Variants in PROK2 observed in about 807,000 individuals in gnomAD.
The protein encoded by PROK2 is prokineticin 2.
Under a neutral mutation model 14.2 loss-of-function variants are expected in PROK2, and 8 were observed. The observed-to-expected ratio is 0.56, with a 90% CI of 0.33 to 1.02. The LOEUF is 1.02. Among genes scored for constraint, PROK2 ranks in the 50% least tolerant of loss-of-function variants. PROK2 has a pLI of 0.03. For synonymous variants in PROK2, 59 were observed against 60.7 expected (o/e 0.97, Z 0.13); for missense variants, 154 against 160.4 (o/e 0.96, Z 0.22).
chr3:71,781,738 T>C (rs2050162102), intron 1 of PROK2, 146 bp from the exon 2 acceptor site: 1 of 911,226 alleles, frequency 1.1e-6, no homozygotes, highest in Non-Finnish European at 1.7e-6. Context: ...ATAACCTTCA[T>C]TTACTTGTAT....
At chr3:71,775,780 G>T (rs1053335163) in intron 2 of PROK2, among the ~76,000 whole-genome samples, 2 of 152,210 alleles carry the variant, frequency 1.3e-5, no homozygotes, top group South Asian at 2.1e-4. Flanking sequence ...CTCTCTAAAG[G>T]GGGGACCATA....
intron 2 of PROK2, 124 bp from the exon 3 acceptor site, chr3:71,774,631 C>T: frequency 7.6e-7 from 1 of 1,311,226 alleles, no homozygotes; most frequent in African/African-American, 1.5e-5. Flanking sequence ...ATCCCAGTTC[C>T]TCTGTCCTTT....
chr3:71,775,224 G>A (rs79745559), intron 2 of PROK2, among the ~76,000 whole-genome samples: 20,648 of 152,186 alleles, frequency 0.14, 1,944 homozygotes, highest in East Asian at 0.35. Flanking sequence ...CCTATAATGA[G>A]CATGTTAAAC....
chr3:71,777,777 G>A (rs2050130774), intron 2 of PROK2, among the ~76,000 whole-genome samples: 1 of 151,132 alleles, frequency 6.6e-6, no homozygotes, highest in African/African-American at 2.4e-5. Context: ...GTCAAAATGG[G>A]AAGGAAATGG....
chr3:71,785,060 T>C lies in PROK2; in HGVS notation c.-8A>G, dbSNP rs1238761545. ...GCAGCACAGGCTCCTCATGGCGCCC[T>C]CGGGACTGGGCGGCCGCCGGAGGCA... On this transcript the variant is annotated 5_prime_UTR_variant, in exon 1 of 4. Transcript: ENST00000295619. The C allele has an allele frequency of 1.6e-5, 20 of 1,235,664 alleles. No homozygotes were observed. Among genetic ancestry groups the C allele is most frequent in the Non-Finnish European group, 2.0e-5 (20 of 985,836 alleles). 76.5% of individuals were successfully genotyped at this position (1,235,664 alleles called of 1,614,324 possible). A position where few individuals can be genotyped will look rare whatever the true frequency, so the allele number is the denominator to read the frequency against.
At position 71,784,948 on chromosome 3, in the gene PROK2, G is replaced by A; in HGVS notation, c.96+9C>T. 1 of 1,244,718 alleles carries A rather than the reference G, an allele frequency of 8.0e-7. No homozygotes were observed. 77.1% of individuals were successfully genotyped at this position (1,244,718 alleles called of 1,614,324 possible). A position where few individuals can be genotyped will look rare whatever the true frequency, so the allele number is the denominator to read the frequency against. ...ATCAGGGGCAGACAGGTGCGCCCGG[G>A]CCGCTTACCCCGGTGATCACGGCGG... On this transcript the variant is annotated intron_variant, in intron 1 of 3. Transcript: ENST00000295619.
intron 2 of PROK2, among the ~76,000 whole-genome samples, chr3:71,779,244 A>C (rs1423441668): frequency 2.0e-5 from 3 of 152,268 alleles, no homozygotes; most frequent in African/African-American, 7.2e-5. Context: ...CAAAGTGTTC[A>C]AATTAAACCC....
intron 2 of PROK2, among the ~76,000 whole-genome samples, chr3:71,775,614 T>C (rs1407291981): frequency 6.6e-6 from 1 of 152,166 alleles, no homozygotes; most frequent in Non-Finnish European, 1.5e-5. Context: ...TTTTGCTTTG[T>C]CTGAGATAGA....
Position 71,774,470 on chromosome 3 carries a change from CTCTTTCT to C in PROK2, c.253_259del (p.Arg85GlyfsTer40). 6.4e-7 allele frequency: 1 copy of C among 1,551,186 alleles called. No homozygotes were observed. The highest frequency in any genetic ancestry group is 8.7e-7 in the Non-Finnish European group (1 of 1,146,704). On this transcript the variant is annotated frameshift_variant, in exon 3 of 4. Transcript: ENST00000295619. LOFTEE classifies it high-confidence loss of function. ...CTCCTTTTTCCTTTTGCTTCTCTTC[CTCTTTCT>C]TCTTTCCTGCCTTCCATTTCCAAAA...
intron 2 of PROK2, 118 bp downstream of exon 2, chr3:71,781,349 C>T (rs2050158888): frequency 1.5e-6 from 2 of 1,322,686 alleles, no homozygotes; most frequent in African/African-American, 2.9e-5. Flanking sequence ...GTTATCCTTG[C>T]TAATGTCCAA....
rs150696999 is a variant in PROK2 at position 71,772,588 on chromosome 3, A to G, written c.*136T>C. Reference sequence around the variant, plus strand: ...AAAAAAAAAAAATCATTTACAAATCAAAGATAAAAATGTTACTTGGAAAGT... The same window carrying G: ...AAAAAAAAAAAATCATTTACAAATCGAAGATAAAAATGTTACTTGGAAAGT... On this transcript the variant is annotated 3_prime_UTR_variant, in exon 4 of 4. Transcript: ENST00000295619. 1.7e-3 allele frequency: 1,289 copies of G among 772,788 alleles called. 13 individuals carry two copies. In the African/African-American group the frequency reaches 0.021, roughly 12 times the overall value. 47.9% of individuals were successfully genotyped at this position (772,788 alleles called of 1,614,324 possible).
intron 2 of PROK2, among the ~76,000 whole-genome samples, chr3:71,774,980 T>G (rs1318930702): frequency 6.6e-6 from 1 of 152,130 alleles, no homozygotes; most frequent in African/African-American, 2.4e-5. Context: ...CAGGGGACAT[T>G]TGGCAATGTC....
intron 2 of PROK2, among the ~76,000 whole-genome samples, chr3:71,778,655 T>C (rs2050139126): frequency 6.6e-6 from 1 of 152,234 alleles, no homozygotes; most frequent in Admixed American, 6.5e-5. Flanking sequence ...AATTGAATAC[T>C]GTACATAATG....
chr3:71,781,448 C>G lies in PROK2; in HGVS notation c.222+19G>C, dbSNP rs762069969. On this transcript the variant is annotated intron_variant, in intron 2 of 3. Transcript: ENST00000295619. ...TACCACAGTAGAACCACCATGAATA[C>G]AAATATATATATACTAACTTTACGA... 3 of 1,613,562 alleles carry G rather than the reference C, an allele frequency of 1.9e-6. No individual in the cohort carries two copies. The highest frequency in any genetic ancestry group is 2.5e-6 in the Non-Finnish European group (3 of 1,179,526).
rs753842627 is a variant in PROK2, at chr3:71,774,912, G to A, written c.223-405C>T. Reference sequence around the variant, plus strand: ...CCCTGAGACCATAAGTTTCCTTTCTGCCAAGCCTAAAACTGCTGCATGGGC... The same window carrying A: ...CCCTGAGACCATAAGTTTCCTTTCTACCAAGCCTAAAACTGCTGCATGGGC... On this transcript the variant is annotated intron_variant, in intron 2 of 3. Coordinates refer to ENST00000295619, the MANE Select transcript of PROK2 (RefSeq NM_001126128.2). Among the ~76,000 whole-genome samples the A allele has an allele frequency of 3.9e-5, 6 of 152,264 alleles. No individual in the cohort carries two copies. In the East Asian group the frequency reaches 5.8e-4, roughly 15 times the overall value.
intron 1 of PROK2, among the ~76,000 whole-genome samples, chr3:71,784,469 T>C (rs2050194851): frequency 6.6e-6 from 1 of 152,212 alleles, no homozygotes; most frequent in East Asian, 1.9e-4. Context: ...TCAAAGGGTT[T>C]CTGCGGAGGA....
chr3:71,784,955 AC>A lies in PROK2; in HGVS notation c.96+1del. 1 of 1,245,940 alleles carries A rather than the reference AC, an allele frequency of 8.0e-7. No individual in the cohort carries two copies. 77.2% of individuals were successfully genotyped at this position (1,245,940 alleles called of 1,614,324 possible). On this transcript the variant is annotated splice_donor_variant, in intron 1 of 3. Transcript: ENST00000295619. LOFTEE classifies it high-confidence loss of function. ...GCAGACAGGTGCGCCCGGGCCGCTT[AC>A]CCCGGTGATCACGGCGGCGTCCCCA...
intron 3 of PROK2, 93 bp downstream of exon 3, chr3:71,774,352 T>C: frequency 6.5e-7 from 1 of 1,544,062 alleles, no homozygotes. Context: ...GCTGAACTGA[T>C]AGGACAGACC....
chr3:71,783,437 G>A (rs1038081140), intron 1 of PROK2, among the ~76,000 whole-genome samples: 1 of 152,078 alleles, frequency 6.6e-6, no homozygotes, highest in African/African-American at 2.4e-5. Context: ...CCCAGTCTAA[G>A]CCTCTCTAAC....
Sources: gnomAD v4.1 joint callset for allele counts (sites outside exome capture counted in the v4.1 genomes callset) on GRCh38, gnomAD v4.1.1 for gene constraint, MANE v1.5 for transcripts, NCBI Gene and HGNC (gene_info 2026-07-23, HGNC 2026-07-21) for gene names.